The following TPRN variants were observed in gnomAD, a reference collection of about 807,000 sequenced individuals.
TPRN encodes the protein chromosome 9 open reading frame 75.
A neutral mutation model predicts 42.6 loss-of-function variants in TPRN; 32 were observed. The observed-to-expected ratio is 0.75, with a 90% CI of 0.57 to 1.01. The LOEUF (loss-of-function observed/expected upper bound fraction) is 1.01, where lower values mean the gene tolerates loss of function less well. Among genes scored for constraint, TPRN ranks in the 50% least tolerant of loss-of-function variants. The pLI is 0.00. For missense variants in TPRN, 1,095 were observed against 957.5 expected (o/e 1.14, Z -1.90); for synonymous variants, 541 against 445.6 (o/e 1.21, Z -2.70).
At position 137,192,384 on chromosome 9, in the gene TPRN, A is replaced by G. The variant is rs770168194; in HGVS notation, c.1967-19T>C. ...GACAGGCCTGTGAATGGAGGTGCAC[A>G]TGCAGACGTGGACACAGACCAGGCT... On this transcript the variant is annotated intron_variant, in intron 2 of 3. Transcript: ENST00000409012. 7 of 1,612,730 alleles carry G rather than the reference A, an allele frequency of 4.3e-6. No homozygotes were observed. The highest frequency in any genetic ancestry group is 5.9e-6 in the Non-Finnish European group (7 of 1,179,958).
intron 1 of TPRN, 76 bp downstream of exon 1, chr9:137,198,911 G>T (rs540908884): frequency 6.2e-7 from 1 of 1,605,202 alleles, no homozygotes; most frequent in African/African-American, 1.3e-5. Flanking sequence ...CTGGGATCAG[G>T]GCAGGTGCTG....
In TPRN at chr9:137,192,436, C is replaced by G. The variant is rs1412002939; in HGVS notation, c.1966+15G>C. ...CACCCCTCCCAGGCTGCCTGTCCCC[C>G]AGGTGGGCACTCACCTGAGCTACCC... On this transcript the variant is annotated intron_variant, in intron 2 of 3. Transcript: ENST00000409012. The G allele has an allele frequency of 3.7e-6, 6 of 1,608,512 alleles. No homozygotes were observed. In the Admixed American group the frequency reaches 8.4e-5, roughly 23 times the overall value.
chr9:137,197,119 G>A (rs1308667489), intron 1 of TPRN, among the ~76,000 whole-genome samples: 1 of 151,960 alleles, frequency 6.6e-6, no homozygotes, highest in Non-Finnish European at 1.5e-5. Flanking sequence ...TTCTTTTTGA[G>A]ACAGAGTCTC....
intron 1 of TPRN, among the ~76,000 whole-genome samples, chr9:137,196,838 C>G (rs1378753753): frequency 6.6e-6 from 1 of 152,234 alleles, no homozygotes; most frequent in Non-Finnish European, 1.5e-5. Flanking sequence ...CTGGCCTGTA[C>G]CCAGGCGGGA....
intron 1 of TPRN, among the ~76,000 whole-genome samples, chr9:137,197,871 C>T (rs1021182949): frequency 6.6e-6 from 1 of 152,330 alleles, no homozygotes; most frequent in East Asian, 1.9e-4. Context: ...AGGGTTAGCA[C>T]GGATGCCTGG....
Position 137,191,996 on chromosome 9 carries a change from T to C in TPRN, c.*116A>G. On this transcript the variant is annotated 3_prime_UTR_variant, in exon 4 of 4. Coordinates refer to ENST00000409012, the MANE Select transcript of TPRN (RefSeq NM_001128228.3). ...TAGCTGCTTCCAGGGCCAGGAGGGG[T>C]GGGTGGGATACAGTGAGGCCAAACA... 1.6e-6 allele frequency: 2 copies of C among 1,283,212 alleles called. No homozygotes were observed. The highest frequency in any genetic ancestry group is 2.2e-6 in the Non-Finnish European group (2 of 914,756). The allele number at this position is 1,283,212 out of a possible 1,614,324, so 79.5% of individuals were successfully genotyped here.
In TPRN at chr9:137,192,187, G is replaced by A. The variant is rs1588771488; in HGVS notation, c.2074-13C>T. ...TGGCGGGTGTGAGCTGAAAGTGAGAGGACAGAATGTGGACACATGGGCTCG... is the reference window on the plus strand; with the variant it reads ...TGGCGGGTGTGAGCTGAAAGTGAGAAGACAGAATGTGGACACATGGGCTCG... On this transcript the variant is annotated splice_polypyrimidine_tract_variant and intron_variant, in intron 3 of 3. Coordinates refer to ENST00000409012, the MANE Select transcript of TPRN (RefSeq NM_001128228.3). 1.2e-6 allele frequency: 2 copies of A among 1,613,516 alleles called. No individual in the cohort carries two copies. Among genetic ancestry groups the A allele is most frequent in the African/African-American group, 1.3e-5 (1 of 75,058 alleles).
At chr9:137,196,767 G>C (rs1358202511) in intron 1 of TPRN, among the ~76,000 whole-genome samples, 1 of 152,184 alleles carries the variant, frequency 6.6e-6, no homozygotes, top group Non-Finnish European at 1.5e-5. Context: ...CTGAAAGGCA[G>C]GGCAGCCCCA....
chr9:137,199,118 C>T lies in TPRN; in HGVS notation c.1594G>A (p.Glu532Lys). The T allele has an allele frequency of 1.9e-6, 3 of 1,613,242 alleles. No homozygotes were observed. In the South Asian group the frequency reaches 3.3e-5, roughly 18 times the overall value. ...GGCCCCAGGAGGCAACTAGCCTCCT[C>T]CTCCTCGGCCTCCCGTGGCCGAGGC... ...REPRPREAEE[E>K]EASCLLGPTL... Residue 532 changes from glutamate to lysine, a missense_variant, in exon 1 of 4, where the codon GAG becomes AAG. Glu to Lys is a moderately conservative substitution (Grantham distance 56, BLOSUM62 1). Coordinates refer to ENST00000409012, the MANE Select transcript of TPRN (RefSeq NM_001128228.3).
rs761748436 is a variant in TPRN at position 137,199,642 on chromosome 9, T to A, written c.1070A>T (p.Asp357Val). 1.3e-6 allele frequency: 2 copies of A among 1,571,550 alleles called. No homozygotes were observed. The highest frequency in any genetic ancestry group is 2.3e-5 in the South Asian group (2 of 86,476). The change falls in exon 1 of 4, where the codon GAC (aspartate) becomes GTC (valine). Residue 357 changes from aspartate (D) to valine (V), a missense_variant. Physicochemically the swap from Asp to Val is radical, Grantham distance 152. Coordinates refer to ENST00000409012, the MANE Select transcript of TPRN (RefSeq NM_001128228.3). The part of the protein sequence containing the change: ...GRQSVELPKG[D>V]LGPASPSQEL... ...CTGGCTCGGGGAGGCCGGGCCCAGGTCTCCCTTTGGCAGCTCCACGGACTG... is the reference window on the plus strand; with the variant it reads ...CTGGCTCGGGGAGGCCGGGCCCAGGACTCCCTTTGGCAGCTCCACGGACTG...
chr9:137,197,539 C>A (rs1301854626), intron 1 of TPRN, among the ~76,000 whole-genome samples: 1 of 152,190 alleles, frequency 6.6e-6, no homozygotes, highest in Non-Finnish European at 1.5e-5. Flanking sequence ...ACTCCGTACT[C>A]GCCCCACAAG....
intron 1 of TPRN, among the ~76,000 whole-genome samples, chr9:137,196,027 G>A (rs1023120908): frequency 6.6e-6 from 1 of 152,212 alleles, no homozygotes; most frequent in Non-Finnish European, 1.5e-5. Flanking sequence ...ACTGCCCAGA[G>A]CAGGGCTGCA....
chr9:137,194,700 C>G (rs1042886502), intron 1 of TPRN: 1 of 152,224 alleles, frequency 6.6e-6, no homozygotes, highest in African/African-American at 2.4e-5. Flanking sequence ...AGCTGGGGCC[C>G]GGGGCTCTGG....
At chr9:137,194,734 C>A (rs963642178) in intron 1 of TPRN, 2 of 152,268 alleles carry the variant, frequency 1.3e-5, no homozygotes, top group Non-Finnish European at 2.9e-5. Flanking sequence ...CCCCAGGTCT[C>A]CTCAGCTGGG....
In TPRN at chr9:137,191,891, A is replaced by C. The variant is rs1834622887; in HGVS notation, c.*221T>G. On this transcript the variant is annotated 3_prime_UTR_variant, in exon 4 of 4. Transcript: ENST00000409012. ...GGCACTCACCCACAGGCAGTTCCCC[A>C]CCCCACTTCCCCCTTGGACCCTCCC... is the stretch of plus-strand genomic sequence containing the variant. 2 of 630,428 alleles carry C rather than the reference A, an allele frequency of 3.2e-6. No individual in the cohort carries two copies. The highest frequency in any genetic ancestry group is 1.8e-5 in the South Asian group (1 of 55,874). The allele number at this position is 630,428 out of a possible 1,614,324, so 39.1% of individuals were successfully genotyped here. A position where few individuals can be genotyped will look rare whatever the true frequency, so the allele number is the denominator to read the frequency against.
chr9:137,200,720 C>G lies in TPRN; in HGVS notation c.-9G>C. 8.7e-7 allele frequency: 1 copy of G among 1,150,150 alleles called. No individual in the cohort carries two copies. The highest frequency in any genetic ancestry group is 1.1e-6 in the Non-Finnish European group (1 of 935,086). 71.2% of individuals were successfully genotyped at this position (1,150,150 alleles called of 1,614,324 possible). On this transcript the variant is annotated 5_prime_UTR_variant, in exon 1 of 4. Transcript: ENST00000409012. The surrounding 1 kb of genome is among the most constrained non-coding windows in gnomAD (Gnocchi z 4.3). ...CGCCCCAGGGCGGCCATGCTGCGAA[C>G]GCGGCAGCGGACGGCTGGACTGAGG...
chr9:137,191,752 G>A lies in TPRN; in HGVS notation c.*360C>T, dbSNP rs369664633. The A allele has an allele frequency of 1.7e-5, 7 of 400,126 alleles. No homozygotes were observed. The highest frequency in any genetic ancestry group is 1.1e-4 in the Admixed American group (3 of 27,708). 24.8% of individuals were successfully genotyped at this position (400,126 alleles called of 1,614,324 possible). A position where few individuals can be genotyped will look rare whatever the true frequency, so the allele number is the denominator to read the frequency against. ...AGTAGCTGGGACAGCCCTTCACCCCGACACCCCATGGCCACTGTGAGGCAG... is the reference window on the plus strand; with the variant it reads ...AGTAGCTGGGACAGCCCTTCACCCCAACACCCCATGGCCACTGTGAGGCAG... On this transcript the variant is annotated 3_prime_UTR_variant, in exon 4 of 4. Transcript: ENST00000409012.
At position 137,191,811 on chromosome 9, in the gene TPRN, A is replaced by G; in HGVS notation, c.*301T>C. 2 of 487,748 alleles carry G rather than the reference A, an allele frequency of 4.1e-6. No homozygotes were observed. The highest frequency in any genetic ancestry group is 3.9e-5 in the East Asian group (1 of 25,436). The allele number at this position is 487,748 out of a possible 1,614,324, so 30.2% of individuals were successfully genotyped here. Reference sequence around the variant, plus strand: ...GACAGGACAGGGAATGGCCAGGTGCAGAATCTGCACAGCCCCCTGCCGGGT... The same window carrying G: ...GACAGGACAGGGAATGGCCAGGTGCGGAATCTGCACAGCCCCCTGCCGGGT... On this transcript the variant is annotated 3_prime_UTR_variant, in exon 4 of 4. Transcript: ENST00000409012.
chr9:137,192,752 G>A (rs1834646727), intron 1 of TPRN, 61 bp from the exon 2 acceptor site: 1 of 1,585,468 alleles, frequency 6.3e-7, no homozygotes, highest in Non-Finnish European at 8.6e-7. Context: ...TGATGCCAGG[G>A]GCTCAGGTTC....
Sources: gnomAD v4.1 joint callset for allele counts (sites outside exome capture counted in the v4.1 genomes callset) on GRCh38, gnomAD v4.1.1 for gene constraint, Gnocchi (gnomAD v3.1) non-coding constraint, MANE v1.5 for transcripts, NCBI Gene and HGNC (gene_info 2026-07-23, HGNC 2026-07-21) for gene names.